Variants in PRSS3 observed in about 807,000 individuals in gnomAD.
The protein encoded by PRSS3 is trypsin-3.
In PRSS3, 14 loss-of-function variants were observed where a neutral mutation model predicts 20.8. That is an observed-to-expected ratio of 0.67 (90% CI 0.44 to 1.05). The LOEUF is 1.05. Ranked by LOEUF, PRSS3 falls within the 50% of genes least tolerant of loss-of-function variation. The pLI is 0.00. For missense variants in PRSS3, 237 were observed against 306.4 expected (o/e 0.77, Z 1.69); for synonymous variants, 91 against 117.6 (o/e 0.77, Z 1.46).
rs551864497 is a variant in PRSS3, at chr9:33,769,341, T to G, written c.-53+18614T>G. Among the ~76,000 whole-genome samples, 3 of 152,174 alleles carry G rather than the reference T, an allele frequency of 2.0e-5. No individual in the cohort carries two copies. The East Asian group carries it at 5.8e-4, about 29-fold the overall frequency. ...CCCCCATCTGAAAAGATGGCCAATG[T>G]GATGCATGGATACAGTCAACCAACT... On this transcript the variant is annotated intron_variant, in intron 1 of 5. Transcript: ENST00000342836.
At chr9:33,779,650 C>T (rs146846128) in intron 1 of PRSS3, among the ~76,000 whole-genome samples, 107 of 152,062 alleles carry the variant, frequency 7.0e-4, no homozygotes, top group African/African-American at 2.5e-3. Context: ...CGGCAGATCA[C>T]GAGTTCAGGA....
chr9:33,757,862 C>T (rs1823022855), intron 1 of PRSS3, among the ~76,000 whole-genome samples: 1 of 152,138 alleles, frequency 6.6e-6, no homozygotes, highest in Non-Finnish European at 1.5e-5. Flanking sequence ...GATGATGCTA[C>T]CTCATTCTCA....
chr9:33,757,855 GAT>G (rs1481281944), intron 1 of PRSS3, among the ~76,000 whole-genome samples: 1 of 152,138 alleles, frequency 6.6e-6, no homozygotes, highest in Non-Finnish European at 1.5e-5. Flanking sequence ...CCTCTTGGAT[GAT>G]GCTACCTCAT....
upstream of PRSS3, chr9:33,793,719 T>C: frequency 1.0e-6 from 1 of 965,686 alleles, no homozygotes; most frequent in Non-Finnish European, 1.2e-6. Flanking sequence ...CCGTTGGCCT[T>C]ATGGTGAGCT....
At chr9:33,787,722 G>C (rs564231740) in intron 1 of PRSS3, among the ~76,000 whole-genome samples, 1 of 152,308 alleles carries the variant, frequency 6.6e-6, no homozygotes, top group South Asian at 2.1e-4. Flanking sequence ...GCTCTGTGGA[G>C]CTCCTGACAT....
chr9:33,764,515 G>A (rs537686514), intron 1 of PRSS3, among the ~76,000 whole-genome samples: 6 of 152,220 alleles, frequency 3.9e-5, no homozygotes, highest in East Asian at 1.9e-4. Flanking sequence ...CCTGGGAGAC[G>A]AGCAAAATTC....
intron 1 of PRSS3, among the ~76,000 whole-genome samples, chr9:33,784,369 T>C (rs761718308): frequency 1.3e-5 from 2 of 152,222 alleles, no homozygotes; most frequent in African/African-American, 2.4e-5. Flanking sequence ...TTTAAAAATA[T>C]ACCTACATGT....
At chr9:33,771,515 C>T (rs1046769246) in intron 1 of PRSS3, among the ~76,000 whole-genome samples, 1 of 151,390 alleles carries the variant, frequency 6.6e-6, no homozygotes, top group Non-Finnish European at 1.5e-5. Context: ...TAGTAACAGA[C>T]AGGGTTTCAC....
At chr9:33,790,221 G>A (rs535224630) in intron 1 of PRSS3, among the ~76,000 whole-genome samples, 50 of 152,096 alleles carry the variant, frequency 3.3e-4, no homozygotes, top group East Asian at 9.6e-4. Context: ...AGTCAAAATC[G>A]TTCAGTTTAA....
chr9:33,769,505 T>G (rs1473859912), intron 1 of PRSS3, among the ~76,000 whole-genome samples: 6 of 152,240 alleles, frequency 3.9e-5, no homozygotes, highest in African/African-American at 1.4e-4. Flanking sequence ...ATTGCCAGTT[T>G]GGACCAAAGG....
intron 1 of PRSS3, among the ~76,000 whole-genome samples, chr9:33,784,143 G>T (rs1824289133): frequency 6.6e-6 from 1 of 152,066 alleles, no homozygotes; most frequent in South Asian, 2.1e-4. Context: ...GACTACTGCA[G>T]TTTGAAAGGC....
chr9:33,791,987 C>T (rs181851370), upstream of PRSS3, among the ~76,000 whole-genome samples: 133 of 152,246 alleles, frequency 8.7e-4, 1 homozygote, highest in Admixed American at 6.3e-3. Flanking sequence ...TGGGCTACTC[C>T]ATTTAGCTGA....
intron 1 of PRSS3, among the ~76,000 whole-genome samples, chr9:33,763,526 C>T (rs527367243): frequency 6.6e-6 from 1 of 151,974 alleles, no homozygotes; most frequent in African/African-American, 2.4e-5. Flanking sequence ...GGTGAAACCC[C>T]GTCTCTACTG....
intron 1 of PRSS3, among the ~76,000 whole-genome samples, chr9:33,784,455 A>G (rs1824303784): frequency 6.6e-6 from 1 of 152,260 alleles, no homozygotes; most frequent in Non-Finnish European, 1.5e-5. Context: ...TGTCCGTGGC[A>G]TGTCCAATAG....
chr9:33,794,601 ATC>A (rs546309225), upstream of PRSS3: 155 of 969,728 alleles, frequency 1.6e-4, 1 homozygote, highest in African/African-American at 2.3e-3. Flanking sequence ...ATGTGCTAAA[ATC>A]TCTACCTACT....
chr9:33,765,585 A>G (rs1332167601), intron 1 of PRSS3, among the ~76,000 whole-genome samples: 2 of 152,256 alleles, frequency 1.3e-5, no homozygotes. Context: ...ATACCATGAC[A>G]GTCAACCTGA....
At chr9:33,755,777 G>T (rs934896123) in intron 1 of PRSS3, among the ~76,000 whole-genome samples, 2 of 152,102 alleles carry the variant, frequency 1.3e-5, no homozygotes, top group African/African-American at 4.8e-5. Context: ...GAAACTCATG[G>T]GGGCCCTCTG....
intron 1 of PRSS3, among the ~76,000 whole-genome samples, chr9:33,779,293 C>T (rs1192980653): frequency 6.6e-6 from 1 of 152,166 alleles, no homozygotes; most frequent in Non-Finnish European, 1.5e-5. Context: ...AAAGGAAGCT[C>T]ATTGAGATTC....
chr9:33,760,518 T>G (rs1041564303), intron 1 of PRSS3, among the ~76,000 whole-genome samples: 1 of 152,050 alleles, frequency 6.6e-6, no homozygotes, highest in Middle Eastern at 3.4e-3. Flanking sequence ...AGGCCGACGC[T>G]GGTGGATCAT....
Sources: gnomAD v4.1 joint callset for allele counts (sites outside exome capture counted in the v4.1 genomes callset) on GRCh38, gnomAD v4.1.1 for gene constraint, MANE v1.5 for transcripts, NCBI Gene and HGNC (gene_info 2026-07-23, HGNC 2026-07-21) for gene names.